NCAM2: variants seen among roughly 807,000 people sequenced by gnomAD.
NCAM2 encodes the protein neural cell adhesion molecule 2.
In NCAM2, 30 loss-of-function variants were observed where a neutral mutation model predicts 98.1. The observed-to-expected ratio is 0.31, with a 90% CI of 0.23 to 0.41. The LOEUF (loss-of-function observed/expected upper bound fraction) is 0.41, where lower values mean the gene tolerates loss of function less well. Among genes scored for constraint, NCAM2 ranks in the 10% least tolerant of loss-of-function variants. The probability of loss-of-function intolerance (pLI) is 1.00; values close to 1 mark genes in which losing one functional copy is unlikely to be tolerated. For synonymous variants in NCAM2, 368 were observed against 342.4 expected (o/e 1.07, Z -0.83); for missense variants, 867 against 1,005.8 (o/e 0.86, Z 1.87).
chr21:21,248,248 AC>A (rs746708957), intron 1 of NCAM2, among the ~76,000 whole-genome samples: 21 of 152,282 alleles, frequency 1.4e-4, no homozygotes, highest in South Asian at 6.2e-4. Flanking sequence ...TTAAAAAAAA[AC>A]ATACAGTTAT....
chr21:21,187,028 G>A (rs1325220718), intron 1 of NCAM2, among the ~76,000 whole-genome samples: 3 of 152,038 alleles, frequency 2.0e-5, no homozygotes, highest in African/African-American at 7.2e-5. Context: ...TTAGCAGTTC[G>A]AGAGCAGCCT....
intron 15 of NCAM2, among the ~76,000 whole-genome samples, chr21:21,506,010 C>T (rs1210091910): frequency 1.3e-5 from 2 of 151,710 alleles, no homozygotes; most frequent in South Asian, 2.1e-4. Context: ...TTTCTTACTC[C>T]TGATGCAGTG....
intron 1 of NCAM2, among the ~76,000 whole-genome samples, chr21:21,264,643 A>ATG (rs1223699316): frequency 6.6e-6 from 1 of 150,936 alleles, no homozygotes; most frequent in Non-Finnish European, 1.5e-5. Context: ...ATGTGTATGT[A>ATG]TGTGTGTGTG....
chr21:21,162,997 A>AT (rs1349229403), intron 1 of NCAM2, among the ~76,000 whole-genome samples: 1 of 152,172 alleles, frequency 6.6e-6, no homozygotes, highest in Admixed American at 6.5e-5. Flanking sequence ...GGAAGTCCCA[A>AT]TTGCTTACTC....
In NCAM2 at chr21:21,537,688, G is replaced by T. The variant is rs560872421; in HGVS notation, c.2403-158G>T. ...ATTTAATTTTTCCTTTCTAATTATT[G>T]TAGCACGTTTTCTCTATAAAATAGT... On this transcript the variant is annotated intron_variant, in intron 17 of 17. Transcript: ENST00000400546. Among the ~76,000 whole-genome samples the T allele has an allele frequency of 4.0e-4, 61 of 151,606 alleles. 3 individuals carry two copies. The South Asian group carries it at 0.012, about 31-fold the overall frequency.
At chr21:21,364,320 A>G (rs2826815) in intron 8 of NCAM2, among the ~76,000 whole-genome samples, 1 of 151,834 alleles carries the variant, frequency 6.6e-6, no homozygotes, top group Non-Finnish European at 1.5e-5. Context: ...CCTGAGGATC[A>G]TTCAAAGCTC....
intron 1 of NCAM2, among the ~76,000 whole-genome samples, chr21:21,019,098 A>G (rs2064376955): frequency 6.6e-6 from 1 of 152,220 alleles, no homozygotes; most frequent in Non-Finnish European, 1.5e-5. Context: ...ACACTTTCCC[A>G]TGCACAAGTT....
At position 21,537,992 on chromosome 21, in the gene NCAM2, A is replaced by C. The variant is rs1990076566; in HGVS notation, c.*35A>C. 1 of 1,276,996 alleles carries C rather than the reference A, an allele frequency of 7.8e-7. No homozygotes were observed. Among genetic ancestry groups the C allele is most frequent in the Non-Finnish European group, 1.1e-6 (1 of 918,106 alleles). 79.1% of individuals were successfully genotyped at this position (1,276,996 alleles called of 1,614,324 possible). ...TACAGGGGCTTGAACAACACTACGA[A>C]GAGTATTTGGATTGCGTGACCCTAT... On this transcript the variant is annotated 3_prime_UTR_variant, in exon 18 of 18. Transcript: ENST00000400546.
chr21:21,146,911 CACTCCGGAACTCATACCGCTGCCTTCT>C (rs2067290403), intron 1 of NCAM2, among the ~76,000 whole-genome samples: 4 of 150,870 alleles, frequency 2.7e-5, no homozygotes, highest in Admixed American at 6.6e-5. Flanking sequence ...CGCCCTGTCC[CACTCCGGAACTCATACCGCTGCCTTCT>C]ACTCCGGAAC....
intron 15 of NCAM2, among the ~76,000 whole-genome samples, chr21:21,490,399 CTAATATTGGTTG>C (rs1178820648): frequency 2.0e-5 from 3 of 151,786 alleles, no homozygotes; most frequent in Non-Finnish European, 4.4e-5. Flanking sequence ...GTGAACTAAT[CTAATATTGGTTG>C]TATTAAATTT....
At chr21:21,379,058 G>T (rs918580358) in intron 9 of NCAM2, among the ~76,000 whole-genome samples, 3 of 151,766 alleles carry the variant, frequency 2.0e-5, no homozygotes, top group Non-Finnish European at 4.4e-5. Context: ...TTTTACCTTA[G>T]GGCTGTTATT....
chr21:21,109,915 A>G (rs2146522348), intron 1 of NCAM2, among the ~76,000 whole-genome samples: 1 of 152,332 alleles, frequency 6.6e-6, no homozygotes, highest in Middle Eastern at 3.4e-3. Flanking sequence ...TTTTCTGTGT[A>G]TAATTCAAGC....
intron 1 of NCAM2, among the ~76,000 whole-genome samples, chr21:21,216,908 T>A (rs2147111592): frequency 6.6e-6 from 1 of 152,288 alleles, no homozygotes; most frequent in East Asian, 1.9e-4. Flanking sequence ...AGCAAATGTC[T>A]CCTGGTTGAA....
At chr21:21,522,776 C>A (rs1041956180) in intron 16 of NCAM2, among the ~76,000 whole-genome samples, 2 of 151,482 alleles carry the variant, frequency 1.3e-5, no homozygotes, top group Non-Finnish European at 2.9e-5. Flanking sequence ...GGATTACAGG[C>A]GTGTGCCACC....
intron 1 of NCAM2, among the ~76,000 whole-genome samples, chr21:21,238,676 C>CT (rs2070942262): frequency 6.6e-6 from 1 of 152,074 alleles, no homozygotes; most frequent in Non-Finnish European, 1.5e-5. Context: ...CATCAGAGCA[C>CT]TTTTCAAAAG....
chr21:21,463,455 GT>G (rs1983262589), intron 12 of NCAM2, among the ~76,000 whole-genome samples: 1 of 152,056 alleles, frequency 6.6e-6, no homozygotes, highest in Non-Finnish European at 1.5e-5. Context: ...ACTTACATCA[GT>G]AGGTTTATTT....
chr21:21,171,805 C>T (rs953336355), intron 1 of NCAM2, among the ~76,000 whole-genome samples: 9 of 151,638 alleles, frequency 5.9e-5, no homozygotes, highest in Non-Finnish European at 1.3e-4. Flanking sequence ...CTCGAGAATG[C>T]TAATGGGGAT....
At chr21:21,479,606 A>ATAACTGCAACTAAGAGAG (rs1348342872) in intron 15 of NCAM2, among the ~76,000 whole-genome samples, 1 of 130,210 alleles carries the variant, frequency 7.7e-6, no homozygotes, top group Non-Finnish European at 1.8e-5. Context: ...AAAAAAAAAA[A>ATAACTGCAACTAAGAGAG]AATTGTTGAT....
intron 1 of NCAM2, among the ~76,000 whole-genome samples, chr21:21,014,062 C>T (rs138666964): frequency 2.9e-4 from 44 of 152,330 alleles, no homozygotes; most frequent in African/African-American, 1.1e-3. Flanking sequence ...TTGCAAAGGA[C>T]AGGCTGGCTT....
Sources: gnomAD v4.1 joint callset for allele counts (sites outside exome capture counted in the v4.1 genomes callset) on GRCh38, gnomAD v4.1.1 for gene constraint, MANE v1.5 for transcripts, NCBI Gene and HGNC (gene_info 2026-07-23, HGNC 2026-07-21) for gene names.